Variants in TTLL8 observed in about 807,000 individuals in gnomAD.
The protein encoded by TTLL8 is protein monoglycylase TTLL8.
TTLL8 carries 65 observed loss-of-function variants against 77.8 expected under a neutral mutation model. The ratio of observed to expected loss-of-function variants is 0.84; its 90% CI spans 0.68 to 1.03. The LOEUF (loss-of-function observed/expected upper bound fraction) is 1.03, where lower values mean the gene tolerates loss of function less well. Ranked by LOEUF, TTLL8 falls within the 50% of genes least tolerant of loss-of-function variation. The pLI is 0.00. For synonymous variants in TTLL8, 402 were observed against 422.8 expected (o/e 0.95, Z 0.60); for missense variants, 910 against 1,004.5 (o/e 0.91, Z 1.27).
chr22:50,057,606 A>G (rs1349522883), upstream of TTLL8, among the ~76,000 whole-genome samples: 8 of 11,508 alleles, frequency 7.0e-4, no homozygotes, highest in Non-Finnish European at 8.9e-4. Context: ...GTTTGGGTTG[A>G]GCGGGAGGTC....
chr22:50,050,132 T>C, exon 2 of TTLL8: 1 of 1,367,270 alleles, frequency 7.3e-7, no homozygotes, highest in Non-Finnish European at 9.8e-7. Context: ...GCCTTCATCC[T>C]CGACATCCGG....
rs1402878507 is a variant in TTLL8 at position 50,022,134 on chromosome 22, CTGACATGCACTCCTCCATCTGA to C, written c.2204-5594_2204-5573del. Reference sequence around the variant, plus strand: ...CATCTGACGATGTGCACTCCTCCATCTGACATGCACTCCTCCATCTGATGACGTGCACTCCTCCATCTGATGA... The same window carrying C: ...CATCTGACGATGTGCACTCCTCCATCTGACGTGCACTCCTCCATCTGATGA... On this transcript the variant is annotated intron_variant, in intron 12 of 13. Transcript: ENST00000266182. Among the ~76,000 whole-genome samples the C allele has an allele frequency of 1.9e-4, 29 of 150,102 alleles. No individual in the cohort carries two copies. The South Asian group carries it at 4.1e-3, about 21-fold the overall frequency.
rs540826465 is a variant in TTLL8 at position 50,044,851 on chromosome 22, A to G, written c.643+404T>C. Among the ~76,000 whole-genome samples the G allele has an allele frequency of 2.8e-4, 42 of 152,188 alleles. 2 individuals carry two copies. The East Asian group carries it at 8.1e-3, about 29-fold the overall frequency. On this transcript the variant is annotated intron_variant, in intron 6 of 13. Transcript: ENST00000266182. This position sits in a 1 kb window ranked among gnomAD's most constrained non-coding sequence, Gnocchi z 4.2. ...GACGGCTGGTTCACATCCCTGTACC[A>G]CCCAGGGGCGCCTCTCCCCTGGGCT... is the stretch of plus-strand genomic sequence containing the variant.
intron 10 of TTLL8, among the ~76,000 whole-genome samples, chr22:50,032,803 G>A (rs573405129): frequency 2.0e-5 from 3 of 152,304 alleles, no homozygotes; most frequent in African/African-American, 7.2e-5. Flanking sequence ...GGGGACCCGG[G>A]TGAGGTGGGG....
rs1040793030 is a variant in TTLL8, at chr22:50,027,866, G to A, written c.2203+2564C>T. On this transcript the variant is annotated intron_variant, in intron 12 of 13. Coordinates refer to ENST00000266182, the Ensembl canonical transcript of TTLL8. ...CCCAGCTCCTCCCGGCCGTGCCCTC[G>A]AGGGCCTGACCGCGAAACGCTCGTA... The A allele has an allele frequency of 5.4e-5, 51 of 943,038 alleles. No homozygotes were observed. In the African/African-American group the frequency reaches 6.0e-4, roughly 11 times the overall value. The allele number at this position is 943,038 out of a possible 1,614,324, so 58.4% of individuals were successfully genotyped here.
rs1291884699 is a variant in TTLL8, at chr22:50,034,552, C to A, written c.922-90G>T. ...GTGCATGAGACTTGGAGGCCTGGGC[C>A]CCGCCTCACCCACCAAGCAGGCGCT... On this transcript the variant is annotated intron_variant, in intron 8 of 13. Transcript: ENST00000266182. The surrounding 1 kb of genome is among the most constrained non-coding windows in gnomAD (Gnocchi z 4.1). 1 of 1,246,980 alleles carries A rather than the reference C, an allele frequency of 8.0e-7. No homozygotes were observed. Among genetic ancestry groups the A allele is most frequent in the Non-Finnish European group, 1.1e-6 (1 of 952,128 alleles). The allele number at this position is 1,246,980 out of a possible 1,614,324, so 77.2% of individuals were successfully genotyped here.
intron 12 of TTLL8, among the ~76,000 whole-genome samples, chr22:50,029,555 A>G (rs1959337111): frequency 6.6e-6 from 1 of 151,150 alleles, no homozygotes; most frequent in Admixed American, 6.6e-5. Context: ...CCTGACTAAC[A>G]CGGTGAAACC....
Position 50,036,575 on chromosome 22 carries a change from T to A in TTLL8, c.922-2113A>T, listed in dbSNP as rs557532421. Among the ~76,000 whole-genome samples, 9 of 151,926 alleles carry A rather than the reference T, an allele frequency of 5.9e-5. No homozygotes were observed. The East Asian group carries it at 1.4e-3, about 23-fold the overall frequency. ...ATGAAACTACACAATTGGTGCTCCT[T>A]TGTGTGTGGCCTCTTTCTTTTCTTT... On this transcript the variant is annotated intron_variant, in intron 8 of 13. Coordinates refer to ENST00000266182, the Ensembl canonical transcript of TTLL8.
chr22:50,033,307 C>G, exon 10 of TTLL8: 1 of 1,364,944 alleles, frequency 7.3e-7, no homozygotes, highest in South Asian at 1.1e-5. Context: ...GAACCACTGT[C>G]TGATGTCGAA....
intron 8 of TTLL8, among the ~76,000 whole-genome samples, chr22:50,038,257 A>G (rs1329910815): frequency 6.9e-6 from 1 of 144,952 alleles, no homozygotes. Flanking sequence ...ATACTTTATC[A>G]TTTATTTAAA....
chr22:50,027,745 GA>G (rs1297620156), intron 12 of TTLL8: 2 of 985,464 alleles, frequency 2.0e-6, no homozygotes, highest in African/African-American at 3.5e-5. Flanking sequence ...GCGGTTGCCT[GA>G]CTGTCACGGA....
intron 8 of TTLL8, among the ~76,000 whole-genome samples, chr22:50,036,432 G>C (rs1035453044): frequency 6.6e-6 from 1 of 152,026 alleles, no homozygotes; most frequent in African/African-American, 2.4e-5. Context: ...TTGTACACTC[G>C]TGTACACACC....
chr22:50,030,478 C>CGCAGCGCGCCCTCTGCTGTCTTCAGGCG lies in TTLL8; in HGVS notation c.2154_2155insCGCCTGAAGACAGCAGAGGGCGCGCTGC (p.Gly719ArgfsTer?). 7.4e-7 allele frequency: 1 copy of CGCAGCGCGCCCTCTGCTGTCTTCAGGCG among 1,342,400 alleles called. No individual in the cohort carries two copies. Among genetic ancestry groups the CGCAGCGCGCCCTCTGCTGTCTTCAGGCG allele is most frequent in the South Asian group, 1.2e-5 (1 of 86,082 alleles). 83.2% of individuals were successfully genotyped at this position (1,342,400 alleles called of 1,614,324 possible). Reference sequence around the variant, plus strand: ...AGCGCGCCCTCTGCTGTCTTCAGGCCCCGCAGCACAGGCTCCAGCGGGTGC... The same window carrying CGCAGCGCGCCCTCTGCTGTCTTCAGGCG: ...AGCGCGCCCTCTGCTGTCTTCAGGCCGCAGCGCGCCCTCTGCTGTCTTCAGGCGCCGCAGCACAGGCTCCAGCGGGTGC... On this transcript the variant is annotated frameshift_variant, in exon 12 of 14. Transcript: ENST00000266182. LOFTEE classifies it high-confidence loss of function.
intron 12 of TTLL8, among the ~76,000 whole-genome samples, chr22:50,023,481 G>C (rs941076864): frequency 6.6e-6 from 1 of 151,914 alleles, no homozygotes; most frequent in African/African-American, 2.4e-5. Context: ...TCAGGAGATC[G>C]AGACCATCCT....
At chr22:50,027,993 G>A (rs543052260) in intron 12 of TTLL8, among the ~76,000 whole-genome samples, 4 of 152,264 alleles carry the variant, frequency 2.6e-5, no homozygotes, top group Non-Finnish European at 4.4e-5. Flanking sequence ...CAGACACGTG[G>A]TGTCGGCTTT....
At chr22:50,027,147 A>C (rs752844353) in intron 12 of TTLL8, among the ~76,000 whole-genome samples, 2 of 151,122 alleles carry the variant, frequency 1.3e-5, no homozygotes, top group Non-Finnish European at 2.9e-5. Context: ...GAGGCAGGAG[A>C]ATCGCTTGAA....
At chr22:50,027,235 CA>C (rs561709418) in intron 12 of TTLL8, among the ~76,000 whole-genome samples, 272 of 110,466 alleles carry the variant, frequency 2.5e-3, no homozygotes, top group Middle Eastern at 6.7e-3. Context: ...GACTCCGTCT[CA>C]AAAAAAAAAA....
At chr22:50,028,793 G>A (rs1483825332) in intron 12 of TTLL8, among the ~76,000 whole-genome samples, 13 of 19,448 alleles carry the variant, frequency 6.7e-4, no homozygotes, top group African/African-American at 1.7e-3. Flanking sequence ...ACACCGTCCT[G>A]AAGACCCCAC....
chr22:50,033,915 C>A (rs2061317056), intron 9 of TTLL8, among the ~76,000 whole-genome samples: 1 of 152,092 alleles, frequency 6.6e-6, no homozygotes. Flanking sequence ...CGCCTGTAGT[C>A]CCAGCTACTT....
Sources: allele counts gnomAD v4.1 joint callset (sites outside exome capture counted in the v4.1 genomes callset), GRCh38; gene constraint gnomAD v4.1.1; non-coding constraint Gnocchi (gnomAD v3.1); transcripts MANE v1.5; gene names NCBI Gene and HGNC (gene_info 2026-07-23, HGNC 2026-07-21).